The following ITPR3 variants were observed in gnomAD, a reference collection of about 807,000 sequenced individuals.
ITPR3 encodes inositol 1,4,5-trisphosphate-gated calcium channel ITPR3.
Under a neutral mutation model 293.2 loss-of-function variants are expected in ITPR3, and 173 were observed. The observed-to-expected ratio is 0.59, with a 90% CI of 0.52 to 0.67. The LOEUF is 0.67. Among genes scored for constraint, ITPR3 ranks in the 30% least tolerant of loss-of-function variants. ITPR3 has a pLI of 0.00. For synonymous variants in ITPR3, 1,295 were observed against 1,444.4 expected (o/e 0.90, Z 2.35); for missense variants, 2,796 against 3,592.1 (o/e 0.78, Z 5.66).
At chr6:33,652,048 G>A (rs758659247) in intron 2 of ITPR3, among the ~76,000 whole-genome samples, 4 of 152,262 alleles carry the variant, frequency 2.6e-5, no homozygotes, top group Non-Finnish European at 5.9e-5. Context: ...CAGGACCTGT[G>A]GGCTCAGACA....
At chr6:33,668,088 G>C in intron 16 of ITPR3, 124 bp downstream of exon 16, 1 of 1,111,082 alleles carries the variant, frequency 9.0e-7, no homozygotes, top group Non-Finnish European at 1.3e-6. Context: ...GAATAGCACT[G>C]GGTGGCTCAG....
At chr6:33,693,831 C>T in intron 56 of ITPR3, 126 bp downstream of exon 56, 1 of 1,140,688 alleles carries the variant, frequency 8.8e-7, no homozygotes. Context: ...GTGGCCCTAT[C>T]TGACTGTTGG....
Position 33,687,003 on chromosome 6 carries a change from A to T in ITPR3, c.5980-6A>T. On this transcript the variant is annotated splice_polypyrimidine_tract_variant and splice_region_variant and intron_variant, in intron 43 of 57. Coordinates refer to ENST00000605930, the MANE Select transcript of ITPR3 (RefSeq NM_002224.4). The surrounding 1 kb of genome is among the most constrained non-coding windows in gnomAD (Gnocchi z 5.3). ...GTGGCCTGCCTCCCTCTGCCCCTCC[A>T]CCCAGGACAATGCCTCCAAGCTGCT... 1 of 1,613,046 alleles carries T rather than the reference A, an allele frequency of 6.2e-7. No individual in the cohort carries two copies. Among genetic ancestry groups the T allele is most frequent in the Non-Finnish European group, 8.5e-7 (1 of 1,179,346 alleles).
At chr6:33,689,701 T>C (rs1232702655) in intron 50 of ITPR3, among the ~76,000 whole-genome samples, 1 of 152,260 alleles carries the variant, frequency 6.6e-6, no homozygotes, top group East Asian at 1.9e-4. Flanking sequence ...CCAGAGGCAC[T>C]GCTACGCGGC....
chr6:33,625,869 G>A (rs1238096777), intron 1 of ITPR3, among the ~76,000 whole-genome samples: 1 of 152,154 alleles, frequency 6.6e-6, no homozygotes, highest in Non-Finnish European at 1.5e-5. Context: ...TCCCTAGGTC[G>A]GAAACCTCAG....
At chr6:33,668,323 A>G (rs915966330) in intron 16 of ITPR3, among the ~76,000 whole-genome samples, 192 bp from the exon 17 acceptor site, 6 of 151,906 alleles carry the variant, frequency 3.9e-5, no homozygotes, top group African/African-American at 1.5e-4. Flanking sequence ...GCCTTCCCGG[A>G]CCCCAGGGTG....
chr6:33,680,515 C>A (rs1231532584), intron 32 of ITPR3, 40 bp from the exon 33 acceptor site: 1 of 1,610,766 alleles, frequency 6.2e-7, no homozygotes, highest in East Asian at 2.2e-5. Flanking sequence ...GGAGGGGCCC[C>A]ATGTGAGGAG....
rs1257058353 is a variant in ITPR3 at position 33,655,576 on chromosome 6, A to G, written c.161-190A>G. Among the ~76,000 whole-genome samples the G allele has an allele frequency of 3.3e-5, 5 of 152,076 alleles. No homozygotes were observed. Among genetic ancestry groups the G allele is most frequent in the Non-Finnish European group, 7.4e-5 (5 of 68,020 alleles). ...CTCAAACCTGCCTCTGAGCCTCCCCATTCTACTCAGCATATTCCAGGATGC... is the reference window on the plus strand; with the variant it reads ...CTCAAACCTGCCTCTGAGCCTCCCCGTTCTACTCAGCATATTCCAGGATGC... On this transcript the variant is annotated intron_variant, in intron 2 of 57. Coordinates refer to ENST00000605930, the MANE Select transcript of ITPR3 (RefSeq NM_002224.4). The surrounding 1 kb of genome is among the most constrained non-coding windows in gnomAD (Gnocchi z 4.9).
intron 2 of ITPR3, among the ~76,000 whole-genome samples, chr6:33,653,084 AT>A (rs1764229241): frequency 6.6e-6 from 1 of 151,718 alleles, no homozygotes; most frequent in Admixed American, 6.6e-5. Context: ...ATTTTTTTGA[AT>A]TTTAGTAGAG....
rs769667998 is a variant in ITPR3 at position 33,667,782 on chromosome 6, GC to G, written c.1714-3del. 10 of 1,613,290 alleles carry G rather than the reference GC, an allele frequency of 6.2e-6. No individual in the cohort carries two copies. Among genetic ancestry groups the G allele is most frequent in the African/African-American group, 1.3e-5 (1 of 74,836 alleles). ...ACTCTCTGTGACCCCCAGCCTGTCT[GC>G]CCCCCCAGGAGCACATTGCCAAGCA... is the stretch of plus-strand genomic sequence containing the variant. On this transcript the variant is annotated splice_polypyrimidine_tract_variant and intron_variant, in intron 15 of 57. Transcript: ENST00000605930. This position sits in a 1 kb window ranked among gnomAD's most constrained non-coding sequence, Gnocchi z 4.4.
At chr6:33,623,402 C>T (rs1763486235) in intron 1 of ITPR3, among the ~76,000 whole-genome samples, 1 of 142,030 alleles carries the variant, frequency 7.0e-6, no homozygotes. Flanking sequence ...TCTTGGCTTA[C>T]TGCAGCCTCG....
chr6:33,634,152 A>G (rs1763760617), intron 1 of ITPR3, among the ~76,000 whole-genome samples: 1 of 152,022 alleles, frequency 6.6e-6, no homozygotes, highest in African/African-American at 2.4e-5. Context: ...CCTTAGGCCT[A>G]ATGAGTACGC....
intron 1 of ITPR3, among the ~76,000 whole-genome samples, chr6:33,627,778 G>A (rs908733282): frequency 1.3e-5 from 2 of 152,234 alleles, no homozygotes; most frequent in African/African-American, 4.8e-5. Flanking sequence ...TGTTGCACTA[G>A]CATGTGGGGA....
chr6:33,651,558 G>A (rs1359457175), intron 2 of ITPR3, among the ~76,000 whole-genome samples: 1 of 152,096 alleles, frequency 6.6e-6, no homozygotes, highest in Non-Finnish European at 1.5e-5. Flanking sequence ...CTGTGGGCCT[G>A]GGCATGGACC....
Position 33,684,181 on chromosome 6 carries a change from C to T in ITPR3, c.4937+13C>T. On this transcript the variant is annotated intron_variant, in intron 36 of 57. Coordinates refer to ENST00000605930, the MANE Select transcript of ITPR3 (RefSeq NM_002224.4). The surrounding 1 kb of genome is among the most constrained non-coding windows in gnomAD (Gnocchi z 4.2). ...GCTTCCTGTCCAAGTGAGCGAGACA[C>T]TGGGGCATGGGGGCAGCAGGGGTGC... is the stretch of plus-strand genomic sequence containing the variant. The T allele has an allele frequency of 6.2e-7, 1 of 1,609,272 alleles. No individual in the cohort carries two copies.
chr6:33,639,701 G>C (rs1763905329), intron 1 of ITPR3, among the ~76,000 whole-genome samples: 1 of 152,072 alleles, frequency 6.6e-6, no homozygotes, highest in Admixed American at 6.6e-5. Flanking sequence ...TAGATGGGTG[G>C]ATGGGTGGAT....
At chr6:33,639,651 C>T (rs1028624487) in intron 1 of ITPR3, among the ~76,000 whole-genome samples, 27 of 151,832 alleles carry the variant, frequency 1.8e-4, no homozygotes, top group African/African-American at 6.3e-4. Flanking sequence ...GCTGGAGTGG[C>T]ATTGACAAAT....
intron 31 of ITPR3, 79 bp downstream of exon 31, chr6:33,680,212 T>C: frequency 1.3e-6 from 2 of 1,580,954 alleles, no homozygotes; most frequent in South Asian, 1.2e-5. Context: ...GAAGAGTGGG[T>C]GAAGCAAAGC....
intron 33 of ITPR3, 131 bp downstream of exon 33, chr6:33,680,811 AT>A (rs1765053518): frequency 5.5e-6 from 4 of 721,224 alleles, no homozygotes; most frequent in Non-Finnish European, 6.2e-6. Flanking sequence ...ACATAAGTGT[AT>A]TGGTTATCTT....
Sources: allele counts gnomAD v4.1 joint callset (sites outside exome capture counted in the v4.1 genomes callset), GRCh38; gene constraint gnomAD v4.1.1; non-coding constraint Gnocchi (gnomAD v3.1); transcripts MANE v1.5; gene names NCBI Gene and HGNC (gene_info 2026-07-23, HGNC 2026-07-21).